Variants in HCN1 observed in about 807,000 individuals in gnomAD.
The protein encoded by HCN1 is potassium/sodium hyperpolarization-activated cyclic nucleotide-gated channel 1.
In HCN1, 13 loss-of-function variants were observed where a neutral mutation model predicts 78.9. The ratio of observed to expected loss-of-function variants is 0.16; its 90% CI spans 0.11 to 0.26. The LOEUF is 0.26. Among genes scored for constraint, HCN1 ranks in the 10% least tolerant of loss-of-function variants. HCN1 has a pLI of 1.00. For synonymous variants in HCN1, 552 were observed against 455.5 expected (o/e 1.21, Z -2.70); for missense variants, 810 against 1,154.3 (o/e 0.70, Z 4.32).
At chr5:45,280,711 C>G (rs1372892116) in intron 6 of HCN1, among the ~76,000 whole-genome samples, 1 of 152,186 alleles carries the variant, frequency 6.6e-6, no homozygotes, top group Non-Finnish European at 1.5e-5. Context: ...ACTTTTGGAT[C>G]ATATTTACAA....
intron 2 of HCN1, among the ~76,000 whole-genome samples, chr5:45,509,750 A>C (rs1260376991): frequency 6.6e-6 from 1 of 152,110 alleles, no homozygotes; most frequent in Non-Finnish European, 1.5e-5. Flanking sequence ...ATTTTTTTTC[A>C]CTATAACAAG....
chr5:45,496,619 C>T (rs1001846571), intron 2 of HCN1, among the ~76,000 whole-genome samples: 8 of 151,964 alleles, frequency 5.3e-5, no homozygotes, highest in Admixed American at 1.3e-4. Context: ...GTCTTGCTAG[C>T]GGTCTATCAA....
chr5:45,617,032 G>A (rs549302829), intron 2 of HCN1, among the ~76,000 whole-genome samples: 1 of 151,988 alleles, frequency 6.6e-6, no homozygotes, highest in Admixed American at 6.6e-5. Context: ...GCTAGAGGTG[G>A]GAGCAGTGAT....
chr5:45,339,437 T>C (rs1242067979), intron 5 of HCN1, among the ~76,000 whole-genome samples: 2 of 152,100 alleles, frequency 1.3e-5, no homozygotes, highest in African/African-American at 4.8e-5. Flanking sequence ...AGGCCATCAA[T>C]AGCATTTATT....
chr5:45,692,384 A>G (rs527759766), intron 1 of HCN1, among the ~76,000 whole-genome samples: 25 of 152,326 alleles, frequency 1.6e-4, no homozygotes, highest in Admixed American at 9.8e-4. Context: ...ATGAAATTCA[A>G]TAAGACTAAG....
chr5:45,374,171 ATATATAT>A (rs1212760142), intron 4 of HCN1, among the ~76,000 whole-genome samples: 1 of 86,570 alleles, frequency 1.2e-5, no homozygotes, highest in African/African-American at 4.5e-5. Context: ...TATATACATA[ATATATAT>A]TATATATTAT....
chr5:45,283,216 T>A (rs1745204049), intron 6 of HCN1, among the ~76,000 whole-genome samples: 1 of 152,158 alleles, frequency 6.6e-6, no homozygotes, highest in South Asian at 2.1e-4. Context: ...GAAATACTAT[T>A]CTTGATATAG....
intron 1 of HCN1, among the ~76,000 whole-genome samples, chr5:45,678,572 T>C (rs1399826670): frequency 6.6e-6 from 1 of 151,982 alleles, no homozygotes; most frequent in Non-Finnish European, 1.5e-5. Context: ...TGCCTCCCAA[T>C]GACTTCATCG....
intron 2 of HCN1, among the ~76,000 whole-genome samples, chr5:45,636,489 G>T (rs1230558715): frequency 6.6e-6 from 1 of 152,120 alleles, no homozygotes; most frequent in Admixed American, 6.6e-5. Flanking sequence ...AATGTGCTTT[G>T]TCCTAAATTA....
intron 3 of HCN1, among the ~76,000 whole-genome samples, chr5:45,459,989 C>A (rs1199709574): frequency 6.6e-6 from 1 of 152,032 alleles, no homozygotes; most frequent in African/African-American, 2.4e-5. Flanking sequence ...AATGAGCCAA[C>A]CAAACTACTG....
chr5:45,265,050 C>T (rs752271909), intron 7 of HCN1, among the ~76,000 whole-genome samples: 4 of 151,920 alleles, frequency 2.6e-5, no homozygotes, highest in Non-Finnish European at 4.4e-5. Flanking sequence ...ATTAGCAGGG[C>T]GTGGCAGTGC....
chr5:45,279,140 C>G (rs1317543600), intron 6 of HCN1, among the ~76,000 whole-genome samples: 3 of 152,114 alleles, frequency 2.0e-5, no homozygotes, highest in Non-Finnish European at 4.4e-5. Context: ...CACTATTTAG[C>G]TTGTGACTTT....
intron 2 of HCN1, chr5:45,642,674 T>G (rs1388290501): frequency 1.3e-5 from 2 of 152,172 alleles, no homozygotes; most frequent in African/African-American, 2.4e-5. Flanking sequence ...TTGCAAAAGC[T>G]CACAGAGCTA....
At chr5:45,296,985 G>A (rs1203746875) in intron 6 of HCN1, among the ~76,000 whole-genome samples, 4 of 152,118 alleles carry the variant, frequency 2.6e-5, no homozygotes, top group Non-Finnish European at 4.4e-5. Context: ...CCCTAACCCA[G>A]TGGAGCTAGA....
rs1018728602 is a variant in HCN1, at chr5:45,258,533, C to G, written c.*3388G>C. 6.6e-6 allele frequency: 1 copy of G among 152,074 alleles called. No homozygotes were observed. The highest frequency in any genetic ancestry group is 2.1e-4 in the South Asian group (1 of 4,826). 9.4% of individuals were successfully genotyped at this position (152,074 alleles called of 1,614,324 possible). A position where few individuals can be genotyped will look rare whatever the true frequency, so the allele number is the denominator to read the frequency against. ...TGCTACTATTTATCCTCCTTGTTTT[C>G]AGGAATGCTTCACTACTTATTCTCA... On this transcript the variant is annotated 3_prime_UTR_variant, in exon 8 of 8. Transcript: ENST00000303230.
chr5:45,415,380 T>C (rs983561213), intron 3 of HCN1, among the ~76,000 whole-genome samples: 10 of 151,942 alleles, frequency 6.6e-5, no homozygotes, highest in Non-Finnish European at 1.5e-4. Flanking sequence ...AAGTTGAACC[T>C]CTCATGAGAA....
intron 2 of HCN1, among the ~76,000 whole-genome samples, chr5:45,588,523 T>C (rs983327660): frequency 3.3e-5 from 5 of 152,188 alleles, no homozygotes; most frequent in Admixed American, 6.6e-5. Flanking sequence ...AGTTGCAGGA[T>C]AGCTAGAATT....
In HCN1 at chr5:45,374,046, TTATATATATTA is replaced by T. The variant is rs1561130095; in HGVS notation, c.1231-20811_1231-20801del. ...ATATATATTATATACATAATATATA[TTATATATATTA>T]TATATATAATATATATAATATCTAT... On this transcript the variant is annotated intron_variant, in intron 4 of 7. Transcript: ENST00000303230. 5.5e-5 allele frequency among the ~76,000 whole-genome samples: 5 copies of T among 91,218 alleles called. 1 individual carries two copies. Among genetic ancestry groups the T allele is most frequent in the African/African-American group, 2.2e-4 (5 of 22,690 alleles). 59.8% of individuals were successfully genotyped at this position (91,218 alleles called of 152,430 possible).
intron 2 of HCN1, among the ~76,000 whole-genome samples, chr5:45,587,424 T>C (rs1744254650): frequency 6.6e-6 from 1 of 152,072 alleles, no homozygotes; most frequent in Non-Finnish European, 1.5e-5. Flanking sequence ...CTGGAAACCA[T>C]CATTCTCAGC....
Sources: allele counts gnomAD v4.1 joint callset (sites outside exome capture counted in the v4.1 genomes callset), GRCh38; gene constraint gnomAD v4.1.1; transcripts MANE v1.5; gene names NCBI Gene and HGNC (gene_info 2026-07-23, HGNC 2026-07-21).